MBD5: variants seen among roughly 807,000 people sequenced by gnomAD.
MBD5 encodes the protein methyl-CpG-binding domain protein 5.
In MBD5, 13 loss-of-function variants were observed where a neutral mutation model predicts 117.3. That is an observed-to-expected ratio of 0.11 (90% CI 0.07 to 0.18). The LOEUF is 0.18. Among genes scored for constraint, MBD5 ranks in the 10% least tolerant of loss-of-function variants. The pLI is 1.00. For missense variants in MBD5, 1,879 were observed against 2,093.8 expected (o/e 0.90, Z 2.00); for synonymous variants, 727 against 766.4 (o/e 0.95, Z 0.85).
chr2:148,288,683 A>G (rs1409421636), intron 3 of MBD5, among the ~76,000 whole-genome samples: 5 of 152,028 alleles, frequency 3.3e-5, no homozygotes, highest in African/African-American at 1.2e-4. Flanking sequence ...TAACTACTCA[A>G]TGCAGGGATG....
rs1681220561 is a variant in MBD5 at position 148,483,240 on chromosome 2, A to G, written c.2649A>G (p.Leu883=). 2.0e-5 allele frequency: 33 copies of G among 1,614,058 alleles called. No individual in the cohort carries two copies. The highest frequency in any genetic ancestry group is 2.8e-5 in the Non-Finnish European group (33 of 1,180,004). ...TAAGNPLQSQ[L]PIGSDFPFVG... is the part of the protein sequence containing the mutation. Reference sequence around the variant, plus strand: ...CTGGAAACCCACTGCAGAGTCAGCTACCCATTGGGAGTGATTTTCCTTTTG... The same window carrying G: ...CTGGAAACCCACTGCAGAGTCAGCTGCCCATTGGGAGTGATTTTCCTTTTG... The change falls in exon 9 of 14, where the codon CTA becomes CTG. Residue 883 remains leucine (L), a synonymous_variant. Transcript: ENST00000642680.
rs1384918447 is a variant in MBD5 at position 148,259,378 on chromosome 2, A to G, written c.-680+25983A>G. ...TTCCAGCTGCTTCAGCATATTCTCC[A>G]TGCTTGCTGGGGACCCATCTACCTC... On this transcript the variant is annotated intron_variant, in intron 3 of 13. Transcript: ENST00000642680. Among the ~76,000 whole-genome samples, 3 of 152,052 alleles carry G rather than the reference A, an allele frequency of 2.0e-5. No individual in the cohort carries two copies. The East Asian group carries it at 5.8e-4, about 29-fold the overall frequency.
intron 1 of MBD5, among the ~76,000 whole-genome samples, chr2:148,068,318 G>T (rs112354990): frequency 6.6e-5 from 10 of 152,320 alleles, no homozygotes; most frequent in African/African-American, 2.2e-4. Context: ...TTCTTGTCCT[G>T]TAATATTCTG....
chr2:148,044,080 T>C (rs541229158), intron 1 of MBD5, among the ~76,000 whole-genome samples: 24 of 152,344 alleles, frequency 1.6e-4, no homozygotes, highest in African/African-American at 5.8e-4. Context: ...AGAAGAGTCA[T>C]CTTTATATCT....
At chr2:148,029,826 T>A (rs1329013873) in intron 1 of MBD5, among the ~76,000 whole-genome samples, 1 of 152,202 alleles carries the variant, frequency 6.6e-6, no homozygotes, top group Non-Finnish European at 1.5e-5. Flanking sequence ...TGTATGTACA[T>A]GTAATTTTTA....
At chr2:148,462,245 A>G (rs747932401) in intron 5 of MBD5, among the ~76,000 whole-genome samples, 5 of 152,100 alleles carry the variant, frequency 3.3e-5, no homozygotes, top group Admixed American at 1.3e-4. Flanking sequence ...CATTGCTTTT[A>G]TGTAGTTTTC....
intron 11 of MBD5, among the ~76,000 whole-genome samples, chr2:148,500,323 A>G (rs1001647577): frequency 2.0e-5 from 3 of 152,074 alleles, no homozygotes; most frequent in Non-Finnish European, 4.4e-5. Flanking sequence ...ATATAAAATG[A>G]CTACATTTCA....
intron 1 of MBD5, among the ~76,000 whole-genome samples, chr2:148,060,245 G>C (rs187701334): frequency 4.1e-5 from 6 of 147,964 alleles, no homozygotes; most frequent in Admixed American, 3.4e-4. Flanking sequence ...TGAGGTCAAG[G>C]CTGCGATGAG....
chr2:148,151,758 G>C (rs944807716), intron 1 of MBD5, among the ~76,000 whole-genome samples: 10 of 152,046 alleles, frequency 6.6e-5, no homozygotes, highest in Non-Finnish European at 4.4e-5. Context: ...TCTGATGGTA[G>C]TTTGTATTTC....
At chr2:148,082,016 T>C (rs1190973842) in intron 1 of MBD5, among the ~76,000 whole-genome samples, 1 of 152,242 alleles carries the variant, frequency 6.6e-6, no homozygotes, top group African/African-American at 2.4e-5. Flanking sequence ...CTCTTCTGAA[T>C]CATTCTGCTT....
chr2:148,021,733 C>A (rs573106966), intron 1 of MBD5, 49 bp downstream of exon 1: 83 of 309,580 alleles, frequency 2.7e-4, no homozygotes, highest in African/African-American at 1.8e-3. Flanking sequence ...CTCTGACTTT[C>A]ACTCCGGGGC....
chr2:148,295,914 T>G (rs536177784), intron 3 of MBD5: 26 of 161,074 alleles, frequency 1.6e-4, no homozygotes, highest in Non-Finnish European at 3.0e-4. Context: ...TAATCATGGG[T>G]GGTTTTTAAA....
intron 11 of MBD5, among the ~76,000 whole-genome samples, chr2:148,500,613 AC>A (rs965513796): frequency 2.6e-5 from 4 of 152,192 alleles, no homozygotes; most frequent in Admixed American, 1.3e-4. Context: ...TTAAATTAAG[AC>A]CAATGGGGTA....
At chr2:148,297,040 A>C (rs939598639) in intron 3 of MBD5, among the ~76,000 whole-genome samples, 2 of 150,640 alleles carry the variant, frequency 1.3e-5, no homozygotes, top group Non-Finnish European at 3.0e-5. Context: ...ACGCCCGACT[A>C]ATTGTTTTTA....
At chr2:148,262,431 T>C (rs920757167) in intron 3 of MBD5, among the ~76,000 whole-genome samples, 2 of 152,170 alleles carry the variant, frequency 1.3e-5, no homozygotes, top group African/African-American at 4.8e-5. Flanking sequence ...ATACATTCTA[T>C]TTAAGGCCAT....
At chr2:148,032,818 T>G (rs1023665328) in intron 1 of MBD5, among the ~76,000 whole-genome samples, 1 of 152,158 alleles carries the variant, frequency 6.6e-6, no homozygotes, top group Non-Finnish European at 1.5e-5. Flanking sequence ...ACAGGTCTCA[T>G]AAGAAACCCT....
Position 148,483,493 on chromosome 2 carries a change from G to C in MBD5, c.2902G>C (p.Ala968Pro), listed in dbSNP as rs773007463. ...TTTTCTCAACCCGAATGTAAACGCT[G>C]CTTTAGCTTTTCTCTCCAGTGACAT... ...LGFLNPNVNA[A>P]LAFLSSDMDG... The change falls in exon 9 of 14, where the codon GCT becomes CCT. Residue 968 changes from alanine to proline, a missense_variant. This residue lies in a region of MBD5 where 1,666 missense variants were observed against 1,792.2 expected (regional missense o/e 0.93). Coordinates refer to ENST00000642680, the MANE Select transcript of MBD5 (RefSeq NM_001378120.1). The C allele has an allele frequency of 6.2e-7, 1 of 1,613,416 alleles. No individual in the cohort carries two copies. Among genetic ancestry groups the C allele is most frequent in the African/African-American group, 1.3e-5 (1 of 74,870 alleles).
intron 1 of MBD5, among the ~76,000 whole-genome samples, chr2:148,177,103 C>G (rs1331022248): frequency 6.6e-6 from 1 of 152,076 alleles, no homozygotes; most frequent in Non-Finnish European, 1.5e-5. Context: ...TTGCTGAAGT[C>G]CTATTTACTA....
At chr2:148,320,103 A>T (rs757559015) in intron 3 of MBD5, among the ~76,000 whole-genome samples, 3 of 152,124 alleles carry the variant, frequency 2.0e-5, no homozygotes, top group Non-Finnish European at 4.4e-5. Flanking sequence ...CTACCTAATC[A>T]TGGTATGTTA....
Sources: allele counts gnomAD v4.1 joint callset (sites outside exome capture counted in the v4.1 genomes callset), GRCh38; gene constraint gnomAD v4.1.1; regional missense constraint gnomAD v4.1.1; transcripts MANE v1.5; gene names NCBI Gene and HGNC (gene_info 2026-07-23, HGNC 2026-07-21).